Variants in WDR26 observed in about 807,000 individuals in gnomAD.
WDR26 encodes the protein WD repeat domain 26.
WDR26 carries 5 observed loss-of-function variants against 84.1 expected under a neutral mutation model. The observed-to-expected ratio is 0.06, with a 90% CI of 0.03 to 0.13. WDR26 has a LOEUF of 0.13. Among genes scored for constraint, WDR26 ranks in the 10% least tolerant of loss-of-function variants. The pLI is 1.00. For synonymous variants in WDR26, 415 were observed against 389.6 expected, an observed-to-expected ratio of 1.07 and a Z score of -0.77; for missense variants, 642 against 974.9, an observed-to-expected ratio of 0.66 and a Z score of 4.55.
At chr1:224,430,378 T>C (rs1012756214) in intron 3 of WDR26, 3 of 152,162 alleles carry the variant, frequency 2.0e-5, no homozygotes, top group African/African-American at 7.2e-5. Flanking sequence ...ACATCATCAA[T>C]TTAAATGAAT....
intron 7 of WDR26, 41 bp from the exon 8 acceptor site, chr1:224,404,611 A>G (rs2102897908): frequency 6.4e-7 from 1 of 1,568,110 alleles, no homozygotes; most frequent in Middle Eastern, 1.7e-4. Flanking sequence ...CCCTATCACT[A>G]AAGTCATTGT....
rs1311218256 is a variant in WDR26, at chr1:224,386,553, A to G, written c.*3282T>C. 2.0e-5 allele frequency: 3 copies of G among 152,620 alleles called. No homozygotes were observed. The highest frequency in any genetic ancestry group is 7.2e-5 in the African/African-American group (3 of 41,454). 9.5% of individuals were successfully genotyped at this position (152,620 alleles called of 1,614,324 possible). ...GAGGGGTGGGAAAGAAGGGTTTTCTATTAATGTCATGGAATATGCCACTGT... is the reference window on the plus strand; with the variant it reads ...GAGGGGTGGGAAAGAAGGGTTTTCTGTTAATGTCATGGAATATGCCACTGT... On this transcript the variant is annotated 3_prime_UTR_variant, in exon 14 of 14. Coordinates refer to ENST00000414423, the MANE Select transcript of WDR26 (RefSeq NM_001379403.1).
At chr1:224,417,897 C>A (rs1447460160) in intron 6 of WDR26, among the ~76,000 whole-genome samples, 1 of 152,120 alleles carries the variant, frequency 6.6e-6, no homozygotes, top group South Asian at 2.1e-4. Flanking sequence ...TTGTTCTAGC[C>A]ATTTTTAGAG....
At chr1:224,413,797 T>G (rs2102907654) in intron 6 of WDR26, among the ~76,000 whole-genome samples, 1 of 152,258 alleles carries the variant, frequency 6.6e-6, no homozygotes, top group African/African-American at 2.4e-5. Flanking sequence ...AGTTTTTTCC[T>G]CCTCTAATGT....
intron 6 of WDR26, among the ~76,000 whole-genome samples, chr1:224,412,311 GAGC>G (rs1350273716): frequency 1.3e-5 from 2 of 152,176 alleles, no homozygotes; most frequent in African/African-American, 2.4e-5. Context: ...TTAAGAATGG[GAGC>G]AGTAGTCTGA....
intron 13 of WDR26, among the ~76,000 whole-genome samples, chr1:224,391,223 G>A (rs35341841): frequency 0.18 from 27,880 of 151,372 alleles, 2,802 homozygotes; most frequent in Middle Eastern, 0.23. Context: ...AAAATTAGCC[G>A]GGCGTGGTGA....
Position 224,434,070 on chromosome 1 carries a change from A to ACCTCCT in WDR26, c.330_335dup (p.Gly124_Gly125dup), listed in dbSNP as rs768544588. 6.9e-6 allele frequency: 10 copies of ACCTCCT among 1,440,116 alleles called. No homozygotes were observed. The highest frequency in any genetic ancestry group is 5.5e-5 in the Admixed American group (2 of 36,666). 89.2% of individuals were successfully genotyped at this position (1,440,116 alleles called of 1,614,324 possible). A position where few individuals can be genotyped will look rare whatever the true frequency, so the allele number is the denominator to read the frequency against. ...CTCCTCCTCCACCGCCGCCGCCGCC[A>ACCTCCT]CCTCCTCCTCCTCCTCCTGCCCCAT... is the stretch of plus-strand genomic sequence containing the variant. On this transcript the variant is annotated inframe_insertion, in exon 1 of 14. Transcript: ENST00000414423.
At chr1:224,432,626 T>C (rs1444843388) in intron 1 of WDR26, among the ~76,000 whole-genome samples, 5 of 152,236 alleles carry the variant, frequency 3.3e-5, no homozygotes, top group African/African-American at 1.2e-4. Flanking sequence ...ATGATCTGCC[T>C]GAAAACCGAA....
chr1:224,415,657 T>C (rs1457679739), intron 6 of WDR26, among the ~76,000 whole-genome samples: 2 of 152,052 alleles, frequency 1.3e-5, no homozygotes, highest in Admixed American at 6.5e-5. Flanking sequence ...GAGACAGGGT[T>C]ACACCATTTT....
intron 7 of WDR26, among the ~76,000 whole-genome samples, chr1:224,410,281 C>CA (rs10707541): frequency 0.26 from 26,675 of 103,004 alleles, 3,234 homozygotes; most frequent in African/African-American, 0.32. Context: ...GACTTTGTCT[C>CA]AAAAAAAAAA....
At chr1:224,406,638 T>C (rs1050497538) in intron 7 of WDR26, among the ~76,000 whole-genome samples, 1 of 152,208 alleles carries the variant, frequency 6.6e-6, no homozygotes, top group Non-Finnish European at 1.5e-5. Context: ...TGATTCTTCT[T>C]TGGGAAGTGG....
At chr1:224,401,671 C>CAAAAA (rs767368281) in intron 8 of WDR26, among the ~76,000 whole-genome samples, 20 of 49,634 alleles carry the variant, frequency 4.0e-4, no homozygotes, top group Admixed American at 1.3e-3. Context: ...GAGACTGTCT[C>CAAAAA]AAAAAAAAAA....
At chr1:224,417,126 C>A (rs971369611) in intron 6 of WDR26, among the ~76,000 whole-genome samples, 1 of 152,122 alleles carries the variant, frequency 6.6e-6, no homozygotes, top group Non-Finnish European at 1.5e-5. Flanking sequence ...GTGGTTTATA[C>A]ACATGTAAAA....
At position 224,411,344 on chromosome 1, in the gene WDR26, A is replaced by T. The variant is rs542642996; in HGVS notation, c.1458+83T>A. The T allele has an allele frequency of 2.5e-5, 35 of 1,427,022 alleles. No homozygotes were observed. In the East Asian group the frequency reaches 8.2e-4, roughly 33 times the overall value. The allele number at this position is 1,427,022 out of a possible 1,614,324, so 88.4% of individuals were successfully genotyped here. ...TTAGAAAAGAATACTATTGATACAT[A>T]TATACTTAAAAATATGTAATCAATG... is the stretch of plus-strand genomic sequence containing the variant. On this transcript the variant is annotated intron_variant, in intron 7 of 13. Coordinates refer to ENST00000414423, the MANE Select transcript of WDR26 (RefSeq NM_001379403.1).
At chr1:224,422,920 C>T (rs1293443049) in intron 4 of WDR26, among the ~76,000 whole-genome samples, 3 of 152,122 alleles carry the variant, frequency 2.0e-5, no homozygotes, top group Non-Finnish European at 4.4e-5. Flanking sequence ...TTAAGTTCTT[C>T]CCTTAAGCAA....
rs185913516 is a variant in WDR26 at position 224,391,811 on chromosome 1, C to G, written c.2261-1951G>C. 5.3e-3 allele frequency among the ~76,000 whole-genome samples: 810 copies of G among 152,208 alleles called. 25 individuals are homozygous for G. The highest frequency in any genetic ancestry group is 0.049 in the Admixed American group (745 of 15,282). On this transcript the variant is annotated intron_variant, in intron 13 of 13. Coordinates refer to ENST00000414423, the MANE Select transcript of WDR26 (RefSeq NM_001379403.1). The stretch of plus-strand genomic sequence containing the variant: ...GTTTTGGGGGTGGAGGGGGAATACT[C>G]CAGAAAATAACTTGTGAAAAGGACA...
intron 4 of WDR26, among the ~76,000 whole-genome samples, chr1:224,421,991 C>T (rs990108518): frequency 2.6e-5 from 4 of 152,050 alleles, no homozygotes; most frequent in Admixed American, 6.6e-5. Context: ...TTTACAAACT[C>T]GTGTGTCACA....
At chr1:224,412,288 T>G (rs1288611085) in intron 6 of WDR26, among the ~76,000 whole-genome samples, 1 of 152,212 alleles carries the variant, frequency 6.6e-6, no homozygotes, top group East Asian at 1.9e-4. Context: ...GTGCAGTAGT[T>G]AAGAGCAAAG....
intron 7 of WDR26, among the ~76,000 whole-genome samples, chr1:224,407,107 G>T (rs1173877112): frequency 1.0e-5 from 1 of 96,534 alleles, no homozygotes; most frequent in African/African-American, 4.3e-5. Context: ...GGGCGACACA[G>T]CGAGACTCTG....
Sources: gnomAD v4.1 joint callset for allele counts (sites outside exome capture counted in the v4.1 genomes callset) on GRCh38, gnomAD v4.1.1 for gene constraint, MANE v1.5 for transcripts, NCBI Gene and HGNC (gene_info 2026-07-23, HGNC 2026-07-21) for gene names.